Variants in DNM3 observed in about 807,000 individuals in gnomAD.
DNM3 encodes the protein dynamin 3.
Under a neutral mutation model 101.6 loss-of-function variants are expected in DNM3, and 47 were observed. The ratio of observed to expected loss-of-function variants is 0.46; its 90% CI spans 0.37 to 0.59. DNM3 has a LOEUF of 0.59. Among genes scored for constraint, DNM3 ranks in the 20% least tolerant of loss-of-function variants. The pLI is 0.00. For synonymous variants in DNM3, 385 were observed against 387.9 expected (o/e 0.99, Z 0.09); for missense variants, 849 against 1,085.7 (o/e 0.78, Z 3.06).
At chr1:172,061,977 A>T (rs1458012752) in intron 10 of DNM3, among the ~76,000 whole-genome samples, 3 of 152,130 alleles carry the variant, frequency 2.0e-5, no homozygotes, top group African/African-American at 7.2e-5. Context: ...TTTAGTGCCC[A>T]GGCTTCGAAT....
intron 14 of DNM3, among the ~76,000 whole-genome samples, chr1:172,249,234 C>T (rs1378643180): frequency 6.6e-6 from 1 of 152,152 alleles, no homozygotes; most frequent in African/African-American, 2.4e-5. Context: ...ACTTGCCAAG[C>T]CCATACCTAT....
chr1:172,283,759 C>CAAAAAAAAA (rs769812358), intron 15 of DNM3, among the ~76,000 whole-genome samples: 4 of 40,246 alleles, frequency 9.9e-5, no homozygotes, highest in African/African-American at 2.8e-4. Context: ...GACTCCATCT[C>CAAAAAAAAA]AAAAAAAAAA....
Position 172,142,427 on chromosome 1 carries a change from CT to C in DNM3, c.1659+11140del, listed in dbSNP as rs140632887. 3.8e-3 allele frequency among the ~76,000 whole-genome samples: 577 copies of C among 152,130 alleles called. 4 individuals carry two copies. The highest frequency in any genetic ancestry group is 0.013 in the African/African-American group (553 of 41,530). ...AGCCCATATAATTGAAAAATAAGTACTATTCGTTTTCATTTGTTAAAACTTT... is the reference window on the plus strand; with the variant it reads ...AGCCCATATAATTGAAAAATAAGTACATTCGTTTTCATTTGTTAAAACTTT... On this transcript the variant is annotated intron_variant, in intron 14 of 20. Coordinates refer to ENST00000627582, the MANE Select transcript of DNM3 (RefSeq NM_015569.5).
chr1:172,306,174 T>A (rs2064801341), intron 15 of DNM3, among the ~76,000 whole-genome samples: 1 of 152,210 alleles, frequency 6.6e-6, no homozygotes, highest in African/African-American at 2.4e-5. Flanking sequence ...GATAAGCAAC[T>A]TCAGCAAAGT....
chr1:172,184,265 A>G (rs981238743), intron 14 of DNM3, among the ~76,000 whole-genome samples: 1 of 152,134 alleles, frequency 6.6e-6, no homozygotes, highest in Admixed American at 6.6e-5. Flanking sequence ...GACAACCTGA[A>G]CTGTTAAACA....
chr1:171,898,431 A>C (rs957429819), intron 1 of DNM3, among the ~76,000 whole-genome samples: 3 of 152,148 alleles, frequency 2.0e-5, no homozygotes, highest in African/African-American at 7.2e-5. Context: ...ATACAGATAC[A>C]AGTGATTATA....
In DNM3 at chr1:172,408,276, C is replaced by A. The variant is rs980469739; in HGVS notation, c.*435C>A. On this transcript the variant is annotated 3_prime_UTR_variant, in exon 21 of 21. Transcript: ENST00000627582. ...TTTAGGATGACAGTAATTCTGTTGT[C>A]TACCATTAATGCTACTACCTACTCC... 1.9e-5 allele frequency: 19 copies of A among 990,494 alleles called. No individual in the cohort carries two copies. The highest frequency in any genetic ancestry group is 2.3e-5 in the Non-Finnish European group (19 of 832,922). 61.4% of individuals were successfully genotyped at this position (990,494 alleles called of 1,614,324 possible).
chr1:172,308,967 T>G, intron 16 of DNM3, 128 bp downstream of exon 16: 1 of 472,156 alleles, frequency 2.1e-6, no homozygotes, highest in Middle Eastern at 5.5e-4. Flanking sequence ...CACTTTTAGC[T>G]GATACTTCGC....
chr1:172,217,425 A>G (rs2060743342), intron 14 of DNM3, among the ~76,000 whole-genome samples: 1 of 152,140 alleles, frequency 6.6e-6, no homozygotes, highest in South Asian at 2.1e-4. Flanking sequence ...AGATATTTAA[A>G]ATCTCCTACT....
chr1:172,234,757 A>G (rs1181892003), intron 14 of DNM3, among the ~76,000 whole-genome samples: 1 of 151,532 alleles, frequency 6.6e-6, no homozygotes, highest in Non-Finnish European at 1.5e-5. Flanking sequence ...GATCTTCGAC[A>G]CCTATTTAAT....
At chr1:172,242,819 G>A (rs1417664857) in intron 14 of DNM3, among the ~76,000 whole-genome samples, 1 of 152,104 alleles carries the variant, frequency 6.6e-6, no homozygotes, top group East Asian at 1.9e-4. Flanking sequence ...ACGCATGTGG[G>A]TACCAGGTGT....
chr1:172,107,557 C>G (rs901797773), intron 13 of DNM3, among the ~76,000 whole-genome samples: 4 of 152,126 alleles, frequency 2.6e-5, no homozygotes, highest in African/African-American at 9.7e-5. Context: ...TAGCAAAAGA[C>G]TAATTATAAA....
intron 13 of DNM3, among the ~76,000 whole-genome samples, chr1:172,129,585 C>T (rs187503044): frequency 2.8e-4 from 43 of 152,222 alleles, no homozygotes; most frequent in African/African-American, 7.7e-4. Flanking sequence ...AGACAAGTCA[C>T]GTCTTACATG....
At chr1:172,036,298 T>A (rs1175955031) in intron 6 of DNM3, among the ~76,000 whole-genome samples, 2 of 151,372 alleles carry the variant, frequency 1.3e-5, no homozygotes, top group Non-Finnish European at 1.5e-5. Context: ...GAATGATGAT[T>A]TCCAATTTCA....
At chr1:172,124,181 G>C (rs1467875211) in intron 13 of DNM3, among the ~76,000 whole-genome samples, 1 of 152,104 alleles carries the variant, frequency 6.6e-6, no homozygotes, top group African/African-American at 2.4e-5. Flanking sequence ...GGAATTTTGT[G>C]AGCCCCCTCC....
At chr1:172,256,742 C>T (rs1314884700) in intron 15 of DNM3, among the ~76,000 whole-genome samples, 1 of 151,752 alleles carries the variant, frequency 6.6e-6, no homozygotes, top group Non-Finnish European at 1.5e-5. Flanking sequence ...TTTCAAACTT[C>T]TTAATTTAGA....
At chr1:172,353,244 A>T (rs1340957452) in intron 17 of DNM3, among the ~76,000 whole-genome samples, 2 of 152,126 alleles carry the variant, frequency 1.3e-5, no homozygotes, top group Admixed American at 6.6e-5. Flanking sequence ...TCTCTGATAC[A>T]TTCTTTCTGC....
intron 2 of DNM3, among the ~76,000 whole-genome samples, chr1:171,950,479 G>A (rs1224838167): frequency 2.0e-5 from 3 of 152,080 alleles, no homozygotes; most frequent in Admixed American, 1.3e-4. Context: ...TGTTCTGAGT[G>A]CATTTATAGT....
chr1:172,032,358 A>T, intron 4 of DNM3, 44 bp from the exon 5 acceptor site: 1 of 1,390,404 alleles, frequency 7.2e-7, no homozygotes, highest in Non-Finnish European at 1.0e-6. Context: ...AAAATTTGTT[A>T]GTCTTCTGCA....
Sources: allele counts gnomAD v4.1 joint callset (sites outside exome capture counted in the v4.1 genomes callset), GRCh38; gene constraint gnomAD v4.1.1; transcripts MANE v1.5; gene names NCBI Gene and HGNC (gene_info 2026-07-23, HGNC 2026-07-21).